TPD52: variants seen among roughly 807,000 people sequenced by gnomAD.
The protein encoded by TPD52 is prostate and colon associated protein.
A neutral mutation model predicts 31.3 loss-of-function variants in TPD52; 17 were observed. The ratio of observed to expected loss-of-function variants is 0.54; its 90% confidence interval spans 0.37 to 0.82. TPD52 has a LOEUF of 0.82. Ranked by LOEUF, TPD52 falls within the 40% of genes least tolerant of loss-of-function variation. The pLI is 0.00. For missense variants in TPD52, 212 were observed against 240.1 expected (o/e 0.88, Z 0.77); for synonymous variants, 83 against 89.6 (o/e 0.93, Z 0.42).
chr8:80,102,901 C>CACAA lies in TPD52; in HGVS notation c.20-38312_20-38309dup, dbSNP rs561373632. 2.1e-3 allele frequency among the ~76,000 whole-genome samples: 312 copies of CACAA among 152,192 alleles called. 3 individuals carry two copies. Among genetic ancestry groups the CACAA allele is most frequent in the African/African-American group, 7.1e-3 (295 of 41,520 alleles). Reference sequence around the variant, plus strand: ...AACCATGCCTATGTAATAAAGTTTCCACAAACAAACAACAACAACAACAAA... The same window carrying CACAA: ...AACCATGCCTATGTAATAAAGTTTCCACAAACAAACAAACAACAACAACAACAAA... On this transcript the variant is annotated intron_variant, in intron 1 of 7. Coordinates refer to ENST00000518937, the MANE Select transcript of TPD52 (RefSeq NM_001025253.3).
chr8:80,053,533 T>C, intron 2 of TPD52, 103 bp from the exon 3 acceptor site: 1 of 1,217,284 alleles, frequency 8.2e-7, no homozygotes, highest in East Asian at 2.4e-5. Flanking sequence ...TAAACATTTT[T>C]TTGAATCATT....
At chr8:80,115,090 T>C (rs1262732632) in intron 1 of TPD52, among the ~76,000 whole-genome samples, 1 of 152,206 alleles carries the variant, frequency 6.6e-6, no homozygotes, top group East Asian at 1.9e-4. Context: ...GCTCCTTTTG[T>C]TTTTTGAAAA....
intron 1 of TPD52, among the ~76,000 whole-genome samples, chr8:80,065,417 C>T (rs75601743): frequency 0.022 from 3,351 of 151,862 alleles, 90 homozygotes; most frequent in African/African-American, 0.058. Flanking sequence ...CCAACCACAC[C>T]GCACCCATTC....
chr8:80,098,517 T>C (rs1270506989), intron 1 of TPD52, among the ~76,000 whole-genome samples: 2 of 152,198 alleles, frequency 1.3e-5, no homozygotes, highest in Admixed American at 6.5e-5. Flanking sequence ...TAACTGCAGA[T>C]GTGGCAGAAA....
At chr8:80,071,763 A>T (rs1813816229) in intron 1 of TPD52, among the ~76,000 whole-genome samples, 1 of 152,118 alleles carries the variant, frequency 6.6e-6, no homozygotes, top group Non-Finnish European at 1.5e-5. Flanking sequence ...GCTCCTTGCC[A>T]GTCTCTGACA....
intron 1 of TPD52, chr8:80,080,496 T>C (rs1216154078): frequency 1.2e-6 from 2 of 1,608,684 alleles, no homozygotes; most frequent in South Asian, 2.2e-5. Flanking sequence ...TCGCCTGATA[T>C]CAGCCTTCAG....
chr8:80,054,234 C>A (rs552755306), intron 2 of TPD52, among the ~76,000 whole-genome samples: 1 of 152,064 alleles, frequency 6.6e-6, no homozygotes, highest in Non-Finnish European at 1.5e-5. Flanking sequence ...CTTGAAGAAG[C>A]CTTGAGGTAT....
At chr8:80,165,666 A>G (rs939055171) in intron 1 of TPD52, among the ~76,000 whole-genome samples, 5 of 152,224 alleles carry the variant, frequency 3.3e-5, no homozygotes, top group African/African-American at 1.2e-4. Context: ...AAACCTTGCT[A>G]AACTAAACCT....
At chr8:80,080,435 C>T (rs778519039) in intron 1 of TPD52, 4 of 1,614,030 alleles carry the variant, frequency 2.5e-6, no homozygotes, top group Non-Finnish European at 3.4e-6. Flanking sequence ...TCATATAAGT[C>T]CATCTCTCTA....
intron 1 of TPD52, among the ~76,000 whole-genome samples, chr8:80,084,115 T>C (rs1199638856): frequency 1.3e-5 from 2 of 152,192 alleles, no homozygotes; most frequent in Non-Finnish European, 2.9e-5. Context: ...CTATTGTTAC[T>C]ATGTTTTTCC....
intron 7 of TPD52, among the ~76,000 whole-genome samples, chr8:80,038,633 C>T (rs546936508): frequency 3.4e-4 from 52 of 152,328 alleles, no homozygotes; most frequent in African/African-American, 1.2e-3. Context: ...ATATTGAATA[C>T]AACATGGGAA....
At chr8:80,092,473 G>A (rs754500629) in intron 1 of TPD52, among the ~76,000 whole-genome samples, 5 of 152,096 alleles carry the variant, frequency 3.3e-5, no homozygotes, top group Non-Finnish European at 7.4e-5. Context: ...ATATTTGCAC[G>A]TGCGCGTTTA....
intron 1 of TPD52, among the ~76,000 whole-genome samples, chr8:80,147,467 G>A (rs1257070304): frequency 6.6e-6 from 1 of 152,206 alleles, no homozygotes; most frequent in Non-Finnish European, 1.5e-5. Context: ...GGTGGAGAGA[G>A]TACATGACAA....
intron 2 of TPD52, among the ~76,000 whole-genome samples, chr8:80,063,988 G>A (rs1812836149): frequency 7.6e-6 from 1 of 130,868 alleles, no homozygotes; most frequent in South Asian, 3.0e-4. Flanking sequence ...GGGAGGGAGG[G>A]AGGGGAAGGA....
chr8:80,095,865 T>C (rs1379299617), intron 1 of TPD52, among the ~76,000 whole-genome samples: 1 of 152,156 alleles, frequency 6.6e-6, no homozygotes, highest in Non-Finnish European at 1.5e-5. Context: ...GGAGAATCGC[T>C]TGAACCCAGG....
chr8:80,075,353 C>T (rs1257337506), intron 1 of TPD52, among the ~76,000 whole-genome samples: 3 of 152,150 alleles, frequency 2.0e-5, no homozygotes, highest in East Asian at 1.9e-4. Context: ...GGGAAAGGAG[C>T]GCTTGGGAGC....
intron 1 of TPD52, among the ~76,000 whole-genome samples, chr8:80,152,461 T>C (rs1270629910): frequency 6.6e-6 from 1 of 152,088 alleles, no homozygotes; most frequent in Non-Finnish European, 1.5e-5. Flanking sequence ...AACTGGTGCA[T>C]CTAGCTCCAA....
chr8:80,086,732 G>A (rs1010541722), intron 1 of TPD52, among the ~76,000 whole-genome samples: 1 of 151,748 alleles, frequency 6.6e-6, no homozygotes, highest in South Asian at 2.1e-4. Flanking sequence ...AAATTAGCTG[G>A]TTGGGGGGGC....
chr8:80,046,059 T>C (rs1017988598), intron 5 of TPD52, among the ~76,000 whole-genome samples: 1 of 152,180 alleles, frequency 6.6e-6, no homozygotes. Flanking sequence ...TAAGAACCCA[T>C]GTACAATATC....
Sources: gnomAD v4.1 joint callset for allele counts (sites outside exome capture counted in the v4.1 genomes callset) on GRCh38, gnomAD v4.1.1 for gene constraint, MANE v1.5 for transcripts, NCBI Gene and HGNC (gene_info 2026-07-23, HGNC 2026-07-21) for gene names.